Variants in CRY1 observed in about 807,000 individuals in gnomAD.
CRY1 encodes cryptochrome circadian regulator 1.
Under a neutral mutation model 76.0 loss-of-function variants are expected in CRY1, and 45 were observed. The ratio of observed to expected loss-of-function variants is 0.59; its 90% CI spans 0.47 to 0.76. CRY1 has a LOEUF of 0.76. Among genes scored for constraint, CRY1 ranks in the 30% least tolerant of loss-of-function variants. The pLI is 0.00. For missense variants in CRY1, 587 were observed against 716.4 expected (o/e 0.82, Z 2.06); for synonymous variants, 248 against 244.0 (o/e 1.02, Z -0.15).
chr12:107,062,468 C>T lies in CRY1; in HGVS notation c.158+30336G>A, dbSNP rs540161991. On this transcript the variant is annotated intron_variant, in intron 1 of 12. Transcript: ENST00000008527. ...TATTTTATTCTACTATCACTTAAAACTTAGTTTTTCCTTGATGCTCAAAGC... is the reference window on the plus strand; with the variant it reads ...TATTTTATTCTACTATCACTTAAAATTTAGTTTTTCCTTGATGCTCAAAGC... 2.3e-4 allele frequency among the ~76,000 whole-genome samples: 35 copies of T among 152,214 alleles called. No homozygotes were observed. In the South Asian group the frequency reaches 5.8e-3, roughly 25 times the overall value.
chr12:107,041,186 T>C (rs1952794829), intron 1 of CRY1, among the ~76,000 whole-genome samples: 1 of 152,140 alleles, frequency 6.6e-6, no homozygotes, highest in Non-Finnish European at 1.5e-5. Flanking sequence ...CAGCCAACAT[T>C]TGGGCGTTTA....
chr12:107,052,773 C>T (rs1952938017), intron 1 of CRY1, among the ~76,000 whole-genome samples: 1 of 152,152 alleles, frequency 6.6e-6, no homozygotes, highest in African/African-American at 2.4e-5. Flanking sequence ...AAAGAATACT[C>T]AAAAAACCAG....
At chr12:107,010,856 C>A (rs572996487) in intron 2 of CRY1, among the ~76,000 whole-genome samples, 1 of 152,102 alleles carries the variant, frequency 6.6e-6, no homozygotes, top group Non-Finnish European at 1.5e-5. Flanking sequence ...TCTGCCCTAC[C>A]CAGCCTTTCC....
At chr12:107,015,893 C>T (rs571385609) in intron 2 of CRY1, among the ~76,000 whole-genome samples, 1 of 152,174 alleles carries the variant, frequency 6.6e-6, no homozygotes, top group South Asian at 2.1e-4. Flanking sequence ...ACTATGTTGC[C>T]CAGGCTGGTC....
At chr12:107,024,415 T>G (rs1031142856) in intron 1 of CRY1, among the ~76,000 whole-genome samples, 1 of 152,196 alleles carries the variant, frequency 6.6e-6, no homozygotes, top group African/African-American at 2.4e-5. Context: ...ACATTCTTTT[T>G]TTTTTTTTGG....
At chr12:107,069,593 AT>A (rs1953156181) in intron 1 of CRY1, among the ~76,000 whole-genome samples, 1 of 41,548 alleles carries the variant, frequency 2.4e-5, no homozygotes, top group Non-Finnish European at 7.8e-5. Context: ...TAAAGTATAT[AT>A]ATATAAAGTA....
chr12:107,068,131 T>C (rs1381897321), intron 1 of CRY1, among the ~76,000 whole-genome samples: 1 of 152,188 alleles, frequency 6.6e-6, no homozygotes, highest in Non-Finnish European at 1.5e-5. Flanking sequence ...ATTAGTTTCA[T>C]GCTACAATAG....
chr12:107,005,070 G>C, intron 3 of CRY1, 36 bp downstream of exon 3: 1 of 1,571,502 alleles, frequency 6.4e-7, no homozygotes, highest in Middle Eastern at 1.7e-4. Flanking sequence ...TATGTTATAC[G>C]CATTTTCCCA....
chr12:107,054,268 C>CA (rs1952956984), intron 1 of CRY1, among the ~76,000 whole-genome samples: 1 of 151,828 alleles, frequency 6.6e-6, no homozygotes, highest in Non-Finnish European at 1.5e-5. Flanking sequence ...AATAAATAGA[C>CA]AAAATTATTG....
intron 1 of CRY1, among the ~76,000 whole-genome samples, chr12:107,043,701 T>C (rs1423583021): frequency 6.6e-6 from 1 of 152,188 alleles, no homozygotes; most frequent in Non-Finnish European, 1.5e-5. Context: ...GTCAGAACTG[T>C]GCTGTTCCCT....
chr12:107,000,153 A>ATT, intron 5 of CRY1, 71 bp from the exon 6 acceptor site: 9 of 1,256,794 alleles, frequency 7.2e-6, no homozygotes, highest in East Asian at 2.8e-5. Context: ...CAGAATGGAG[A>ATT]TTTTTTTTTT....
At chr12:107,037,315 T>C (rs970918072) in intron 1 of CRY1, among the ~76,000 whole-genome samples, 1 of 152,142 alleles carries the variant, frequency 6.6e-6, no homozygotes, top group African/African-American at 2.4e-5. Context: ...GTGGATCACC[T>C]GAGGTCAGGA....
At chr12:107,000,126 C>T (rs763923709) in intron 5 of CRY1, 44 bp from the exon 6 acceptor site, 1 of 1,521,392 alleles carries the variant, frequency 6.6e-7, no homozygotes, top group Admixed American at 2.3e-5. Flanking sequence ...TTGTCTTTTT[C>T]ATTTTAAAAG....
chr12:107,061,559 T>G (rs1021314070), intron 1 of CRY1, among the ~76,000 whole-genome samples: 5 of 151,966 alleles, frequency 3.3e-5, no homozygotes, highest in African/African-American at 4.8e-5. Flanking sequence ...TTTTTGTCTT[T>G]TTAGTAGAGA....
intron 2 of CRY1, among the ~76,000 whole-genome samples, chr12:107,018,605 T>C (rs1455789701): frequency 6.6e-6 from 1 of 151,602 alleles, no homozygotes; most frequent in South Asian, 2.1e-4. Context: ...AAAATAAAAA[T>C]AGAAATAATT....
intron 1 of CRY1, among the ~76,000 whole-genome samples, chr12:107,073,906 C>A (rs182999242): frequency 6.6e-6 from 1 of 152,256 alleles, no homozygotes; most frequent in East Asian, 1.9e-4. Flanking sequence ...CCAACTGTAT[C>A]GGGATATCCC....
chr12:107,025,350 C>T (rs1293026568), intron 1 of CRY1, among the ~76,000 whole-genome samples: 1 of 152,158 alleles, frequency 6.6e-6, no homozygotes, highest in East Asian at 1.9e-4. Context: ...CATCAATTTT[C>T]ATAGTTTCAT....
chr12:107,017,053 C>T lies in CRY1; in HGVS notation c.267+5031G>A, dbSNP rs77382889. ...CTTCTGCCTCTACAACACTTCCAAT[C>T]CCCTGTGTATTCTCCACAAACAGCC... On this transcript the variant is annotated intron_variant, in intron 2 of 12. Transcript: ENST00000008527. Among the ~76,000 whole-genome samples, 710 of 152,340 alleles carry T rather than the reference C, an allele frequency of 4.7e-3. 7 individuals are homozygous for T. The highest frequency in any genetic ancestry group is 0.016 in the African/African-American group (670 of 41,578).
chr12:107,082,079 A>G (rs1270591530), intron 1 of CRY1, among the ~76,000 whole-genome samples: 1 of 152,100 alleles, frequency 6.6e-6, no homozygotes, highest in African/African-American at 2.4e-5. Flanking sequence ...CTTTAAACCA[A>G]AAAAGATAAA....
Sources: gnomAD v4.1 joint callset for allele counts (sites outside exome capture counted in the v4.1 genomes callset) on GRCh38, gnomAD v4.1.1 for gene constraint, MANE v1.5 for transcripts, NCBI Gene and HGNC (gene_info 2026-07-23, HGNC 2026-07-21) for gene names.